The following CYFIP1 variants were observed in gnomAD, a reference collection of about 807,000 sequenced individuals.
CYFIP1 encodes cytoplasmic FMR1 interacting protein 1, also known as cytoplasmic FMR1-interacting protein 1.
A neutral mutation model predicts 163.5 loss-of-function variants in CYFIP1; 58 were observed. The observed-to-expected ratio is 0.35, with a 90% CI of 0.29 to 0.44. The LOEUF is 0.44. Ranked by LOEUF, CYFIP1 falls within the 20% of genes least tolerant of loss-of-function variation. The pLI, the probability that CYFIP1 is intolerant of heterozygous loss-of-function variation, is 1.00. For missense variants in CYFIP1, 1,338 were observed against 1,653.8 expected (o/e 0.81, Z 3.31); for synonymous variants, 663 against 660.7 (o/e 1.00, Z -0.05).
intron 23 of CYFIP1, among the ~76,000 whole-genome samples, chr15:22,884,733 G>A (rs1292522872): frequency 6.6e-6 from 1 of 152,124 alleles, no homozygotes; most frequent in Non-Finnish European, 1.5e-5. Flanking sequence ...CTTCCTCACT[G>A]CCCTAGCAGA....
At chr15:22,968,701 G>A (rs1175697427) in intron 1 of CYFIP1, among the ~76,000 whole-genome samples, 1 of 152,174 alleles carries the variant, frequency 6.6e-6, no homozygotes, top group Non-Finnish European at 1.5e-5. Flanking sequence ...CTCCTTGACA[G>A]GAACAAGGCT....
rs187062706 is a variant in CYFIP1 at position 22,899,993 on chromosome 15, G to A, written c.2588+3713C>T. Among the ~76,000 whole-genome samples the A allele has an allele frequency of 1.1e-4, 16 of 152,220 alleles. No individual in the cohort carries two copies. In the South Asian group the frequency reaches 2.3e-3, roughly 22 times the overall value. On this transcript the variant is annotated intron_variant, in intron 22 of 30. Transcript: ENST00000617928. Reference sequence around the variant, plus strand: ...AACCTACTGGAGGTTGCAGTGAGCCGAGACTGTACAACTGCACTCCAGCCT... The same window carrying A: ...AACCTACTGGAGGTTGCAGTGAGCCAAGACTGTACAACTGCACTCCAGCCT...
rs762867028 is a variant in CYFIP1 at position 22,903,844 on chromosome 15, G to A, written c.2450C>T (p.Thr817Met). 1.2e-5 allele frequency: 19 copies of A among 1,614,062 alleles called. No homozygotes were observed. Among genetic ancestry groups the A allele is most frequent in the African/African-American group, 2.7e-5 (2 of 74,932 alleles). The part of the protein sequence containing the change: ...MTHKLLSRYL[T>M]LDGFDAMFRE... ...GAACATGGCGTCGAAGCCGTCCAGC[G>A]TCAGGTACCGGCTCAGCAGCTTGTG... The change falls in exon 22 of 31, where the codon ACG (threonine) becomes ATG (methionine). Residue 817 changes from threonine (T) to methionine (M), a missense_variant. Transcript: ENST00000617928.
chr15:22,971,545 G>A (rs924670179), intron 1 of CYFIP1, among the ~76,000 whole-genome samples: 4 of 152,000 alleles, frequency 2.6e-5, no homozygotes, highest in Admixed American at 6.6e-5. Context: ...GGTAGTGGGC[G>A]CCTGTAATCC....
intron 30 of CYFIP1, among the ~76,000 whole-genome samples, chr15:22,870,516 T>C (rs1452274434): frequency 1.3e-5 from 2 of 152,262 alleles, no homozygotes; most frequent in Admixed American, 6.5e-5. Context: ...CTTATTATGC[T>C]GTCCAGGATG....
intron 13 of CYFIP1, among the ~76,000 whole-genome samples, chr15:22,923,007 A>G (rs2061238635): frequency 6.6e-6 from 1 of 152,124 alleles, no homozygotes; most frequent in South Asian, 2.1e-4. Context: ...AGAAAAAAAA[A>G]AAAGACTTTT....
chr15:22,888,877 C>A (rs567424999), intron 23 of CYFIP1, among the ~76,000 whole-genome samples: 6 of 151,956 alleles, frequency 3.9e-5, no homozygotes, highest in African/African-American at 1.4e-4. Context: ...CCTGTCTCGA[C>A]TAAAAATACA....
chr15:22,955,341 G>A (rs553038777), intron 1 of CYFIP1, among the ~76,000 whole-genome samples: 2 of 152,328 alleles, frequency 1.3e-5, no homozygotes, highest in South Asian at 2.1e-4. Context: ...GTTGAGAACC[G>A]CCCTGACCCA....
chr15:22,912,648 G>A (rs991555506), intron 17 of CYFIP1, among the ~76,000 whole-genome samples: 6 of 152,238 alleles, frequency 3.9e-5, no homozygotes, highest in African/African-American at 9.6e-5. Flanking sequence ...ACCAGGCTTG[G>A]TGGTTCATGC....
rs116564980 is a variant in CYFIP1, at chr15:22,892,141, C to T, written c.2676+749G>A. Among the ~76,000 whole-genome samples the T allele has an allele frequency of 5.0e-3, 757 of 152,342 alleles. 8 individuals carry two copies. Among genetic ancestry groups the T allele is most frequent in the African/African-American group, 0.017 (718 of 41,582 alleles). ...ATCCTGGGGGCCTGCTGGCTCTTGCCGCCATCATTGTTCCTTCCCCAGCTC... is the reference window on the plus strand; with the variant it reads ...ATCCTGGGGGCCTGCTGGCTCTTGCTGCCATCATTGTTCCTTCCCCAGCTC... On this transcript the variant is annotated intron_variant, in intron 23 of 30. Coordinates refer to ENST00000617928, the MANE Select transcript of CYFIP1 (RefSeq NM_014608.6).
chr15:22,944,133 G>A (rs1187552627), intron 5 of CYFIP1, among the ~76,000 whole-genome samples: 1 of 151,484 alleles, frequency 6.6e-6, no homozygotes, highest in Non-Finnish European at 1.5e-5. Flanking sequence ...CAGCTACTCA[G>A]GAAGCTGAGG....
intron 23 of CYFIP1, among the ~76,000 whole-genome samples, chr15:22,889,870 C>G (rs888823883): frequency 6.6e-6 from 1 of 152,174 alleles, no homozygotes; most frequent in Non-Finnish European, 1.5e-5. Flanking sequence ...CTTTCTAGTC[C>G]TATCTTCTAA....
chr15:22,967,859 G>T (rs2062964716), intron 1 of CYFIP1, among the ~76,000 whole-genome samples: 1 of 152,120 alleles, frequency 6.6e-6, no homozygotes, highest in South Asian at 2.1e-4. Context: ...TACACAGTGA[G>T]ACCCCATCTC....
intron 25 of CYFIP1, among the ~76,000 whole-genome samples, chr15:22,881,090 C>T (rs1015770919): frequency 6.6e-6 from 1 of 152,162 alleles, no homozygotes; most frequent in Non-Finnish European, 1.5e-5. Context: ...CTTATCGTCT[C>T]CTCAAACACC....
intron 1 of CYFIP1, among the ~76,000 whole-genome samples, chr15:22,950,155 T>C (rs1465951083): frequency 6.6e-6 from 1 of 152,196 alleles, no homozygotes; most frequent in Non-Finnish European, 1.5e-5. Context: ...AACACATTGA[T>C]AATTACACTA....
chr15:22,934,114 A>T (rs2142241532), intron 9 of CYFIP1, among the ~76,000 whole-genome samples: 1 of 151,286 alleles, frequency 6.6e-6, no homozygotes, highest in Non-Finnish European at 1.5e-5. Context: ...TCAAATGTTA[A>T]AATTAACCTA....
chr15:22,910,653 TTTTTCATAC>T (rs1566959000), intron 19 of CYFIP1, 25 bp from the exon 20 acceptor site: 2 of 1,610,064 alleles, frequency 1.2e-6, no homozygotes, highest in Non-Finnish European at 8.5e-7. Flanking sequence ...AGACAGAAAG[TTTTTCATAC>T]GCCATAAATT....
At chr15:22,914,396 A>G in intron 17 of CYFIP1, among the ~76,000 whole-genome samples, 1 of 151,524 alleles carries the variant, frequency 6.6e-6, no homozygotes, top group Middle Eastern at 3.5e-3. Context: ...ATTAATCTCT[A>G]AAGCTTTACC....
chr15:22,913,421 G>A (rs1367434928), intron 17 of CYFIP1, among the ~76,000 whole-genome samples: 1 of 147,234 alleles, frequency 6.8e-6, no homozygotes, highest in Admixed American at 6.8e-5. Flanking sequence ...CCAGCTACTT[G>A]GGATGCTGAG....
Sources: allele counts gnomAD v4.1 joint callset (sites outside exome capture counted in the v4.1 genomes callset), GRCh38; gene constraint gnomAD v4.1.1; transcripts MANE v1.5; gene names NCBI Gene and HGNC (gene_info 2026-07-23, HGNC 2026-07-21).